The following CD1A variants were observed in gnomAD, a reference collection of about 807,000 sequenced individuals.
The protein encoded by CD1A is T-cell surface glycoprotein CD1a.
A neutral mutation model predicts 38.3 loss-of-function variants in CD1A; 50 were observed. The observed-to-expected ratio is 1.30, with a 90% confidence interval of 1.04 to 1.65. The LOEUF (loss-of-function observed/expected upper bound fraction) is 1.65. Ranked by LOEUF, CD1A falls within the 40% of genes most tolerant of loss-of-function variation. The probability of loss-of-function intolerance (pLI) is 0.00; values close to 1 mark genes in which losing one functional copy is unlikely to be tolerated. For synonymous variants in CD1A, 160 were observed against 150.8 expected, an observed-to-expected ratio of 1.06 and a Z score of -0.45; for missense variants, 459 against 406.1, an observed-to-expected ratio of 1.13 and a Z score of -1.12.
chr1:158,257,646 T>C (rs750185430), intron 5 of CD1A, 35 bp from the exon 6 acceptor site: 1 of 1,612,604 alleles, frequency 6.2e-7, no homozygotes, highest in Admixed American at 1.7e-5. Context: ...AGCTCCACCT[T>C]ATTCAGAGTG....
chr1:158,255,851 C>T (rs1249409782), intron 2 of CD1A, among the ~76,000 whole-genome samples, 153 bp from the exon 3 acceptor site: 1 of 152,152 alleles, frequency 6.6e-6, no homozygotes, highest in African/African-American at 2.4e-5. Flanking sequence ...ACAGCTCCCA[C>T]CAATTCCTCT....
upstream of CD1A, among the ~76,000 whole-genome samples, chr1:158,253,170 C>G (rs879540407): frequency 3.3e-5 from 5 of 151,950 alleles, no homozygotes; most frequent in Non-Finnish European, 5.9e-5. Flanking sequence ...AGTAAATAGC[C>G]CAGACACATT....
chr1:158,252,254 A>C (rs1650111043), upstream of CD1A, among the ~76,000 whole-genome samples: 1 of 151,984 alleles, frequency 6.6e-6, no homozygotes. Context: ...TATCTGGTCT[A>C]CATCTCTGAC....
At chr1:158,250,492 T>C (rs1447176353), upstream of CD1A, among the ~76,000 whole-genome samples, 1 of 152,172 alleles carries the variant, frequency 6.6e-6, no homozygotes, top group Non-Finnish European at 1.5e-5. Flanking sequence ...TAACTCACTA[T>C]TTGGGGGATG....
Position 158,257,675 on chromosome 1 carries a change from A to G in CD1A, c.975-6A>G. On this transcript the variant is annotated splice_region_variant and splice_polypyrimidine_tract_variant and intron_variant, in intron 5 of 5. Transcript: ENST00000289429. ...CAGAGTGACTTCTATCTCTGTTCTC[A>G]TCCAGTTTCTGTTAAGACACACCAT... The G allele has an allele frequency of 1.9e-6, 3 of 1,613,646 alleles. No individual in the cohort carries two copies. The South Asian group carries it at 3.3e-5, about 18-fold the overall frequency.
chr1:158,251,878 A>G (rs1375742425), upstream of CD1A, among the ~76,000 whole-genome samples: 1 of 150,004 alleles, frequency 6.7e-6, no homozygotes, highest in African/African-American at 2.5e-5. Flanking sequence ...TTTCTTTTAG[A>G]TGGAATATTG....
upstream of CD1A, chr1:158,254,106 G>C: frequency 2.7e-6 from 1 of 377,328 alleles, no homozygotes; most frequent in African/African-American, 2.9e-5. Context: ...AAGAATAATG[G>C]AGAAAAGGTG....
chr1:158,255,495 G>C, intron 2 of CD1A, 145 bp downstream of exon 2: 1 of 853,726 alleles, frequency 1.2e-6, no homozygotes, highest in Non-Finnish European at 1.8e-6. Flanking sequence ...CATACTTTTG[G>C]GCAAGGGCTA....
rs1343146225 is a variant in CD1A, at chr1:158,256,993, G to T, written c.812G>T (p.Gly271Val). The T allele has an allele frequency of 6.2e-7, 1 of 1,614,054 alleles. No homozygotes were observed. Among genetic ancestry groups the T allele is most frequent in the Non-Finnish European group, 8.5e-7 (1 of 1,180,046 alleles). The change falls in exon 4 of 6, where the codon GGG becomes GTG. Residue 271 changes from glycine (G) to valine (V), a missense_variant. By Grantham distance (109) the Gly-to-Val change is moderately radical. Transcript: ENST00000289429. ...CGCGCAACCCTGGAGGTGGCCGCTG[G>T]GGAGGCAGCTGACCTGTCCTGTCGG... ...YLRATLEVAA[G>V]EAADLSCRVK...
intron 3 of CD1A, 106 bp downstream of exon 3, chr1:158,256,388 G>C: frequency 4.4e-6 from 5 of 1,131,044 alleles, no homozygotes; most frequent in Non-Finnish European, 6.3e-6. Flanking sequence ...AGTGGGAAAG[G>C]CTGGGTGCAG....
In CD1A at chr1:158,257,887, T is replaced by C. The variant is rs374202220; in HGVS notation, c.*197T>C. The C allele has an allele frequency of 1.7e-3, 1,025 of 587,258 alleles. 24 individuals are homozygous for C. The South Asian group carries it at 0.022, about 13-fold the overall frequency. The allele number at this position is 587,258 out of a possible 1,614,324, so 36.4% of individuals were successfully genotyped here. ...CTCAATTTAATTTTGCAGGATTTGT[T>C]GTTCTGACCTGGGTTCTGGGACTTT... On this transcript the variant is annotated 3_prime_UTR_variant, in exon 6 of 6. Coordinates refer to ENST00000289429, the MANE Select transcript of CD1A (RefSeq NM_001763.3).
In CD1A at chr1:158,254,769, G is replaced by GTC. The variant is rs3832018; in HGVS notation, c.58+58_58+59dup. The GTC allele has an allele frequency of 2.0e-3, 2,391 of 1,169,310 alleles. 42 individuals are homozygous for GTC. The highest frequency in any genetic ancestry group is 8.7e-3 in the African/African-American group (552 of 63,128). 72.4% of individuals were successfully genotyped at this position (1,169,310 alleles called of 1,614,324 possible). On this transcript the variant is annotated intron_variant, in intron 1 of 5. Coordinates refer to ENST00000289429, the MANE Select transcript of CD1A (RefSeq NM_001763.3). ...CTGCCCAGTTGGGTGGTGGGTGAAG[G>GTC]TCTCTCTCTCTCTCTCTGTGTGTGT...
Position 158,257,082 on chromosome 1 carries a change from C to T in CD1A, c.883+18C>T, listed in dbSNP as rs372371602. 10 of 1,587,110 alleles carry T rather than the reference C, an allele frequency of 6.3e-6. No homozygotes were observed. The highest frequency in any genetic ancestry group is 7.7e-6 in the Non-Finnish European group (9 of 1,164,272). On this transcript the variant is annotated intron_variant, in intron 4 of 5. Transcript: ENST00000289429. ...CTACTGGGGTGAGAAAAAGCTAAGG[C>T]CCAGGCTGGAAATGCCAGGAAGTGG...
At chr1:158,257,180 A>G in intron 4 of CD1A, 116 bp downstream of exon 4, 1 of 1,315,430 alleles carries the variant, frequency 7.6e-7, no homozygotes, top group Non-Finnish European at 1.0e-6. Context: ...ATGAATAAAA[A>G]TAGATAATCT....
At chr1:158,251,920 G>T (rs1428471580), upstream of CD1A, among the ~76,000 whole-genome samples, 12 of 151,696 alleles carry the variant, frequency 7.9e-5, no homozygotes, top group Admixed American at 7.9e-4. Flanking sequence ...GCAGTGGCGC[G>T]ATCTCGGCTC....
upstream of CD1A, among the ~76,000 whole-genome samples, chr1:158,253,712 T>C (rs1650145658): frequency 6.6e-6 from 1 of 152,232 alleles, no homozygotes. Context: ...GAAGTCAAAA[T>C]TCTGGGCTGG....
At chr1:158,250,443 T>C (rs185420365), upstream of CD1A, among the ~76,000 whole-genome samples, 74 of 152,358 alleles carry the variant, frequency 4.9e-4, no homozygotes, top group Admixed American at 7.2e-4. Context: ...ATTGGTTGCG[T>C]GCCCCATGAA....
Position 158,255,999 on chromosome 1 carries a change from C to A in CD1A, c.326-5C>A, listed in dbSNP as rs117141061. The stretch of plus-strand genomic sequence containing the variant: ...CTCCCTCTTTCCTCTATTTCATAAC[C>A]CCAGATCCTTTTGAGATACAGGTGA... On this transcript the variant is annotated splice_region_variant and splice_polypyrimidine_tract_variant and intron_variant, in intron 2 of 5. Transcript: ENST00000289429. 20 of 1,611,738 alleles carry A rather than the reference C, an allele frequency of 1.2e-5. No individual in the cohort carries two copies. The East Asian group carries it at 4.2e-4, about 34-fold the overall frequency.
intron 2 of CD1A, 85 bp downstream of exon 2, chr1:158,255,435 G>T: frequency 7.3e-7 from 1 of 1,372,958 alleles, no homozygotes; most frequent in Non-Finnish European, 1.0e-6. Flanking sequence ...GAAACAGCCT[G>T]ACTCTCTTCT....
Sources: gnomAD v4.1 joint callset for allele counts (sites outside exome capture counted in the v4.1 genomes callset) on GRCh38, gnomAD v4.1.1 for gene constraint, MANE v1.5 for transcripts, NCBI Gene and HGNC (gene_info 2026-07-23, HGNC 2026-07-21) for gene names.